Variants in RYR3 observed in about 807,000 individuals in gnomAD.
The protein encoded by RYR3 is brain ryanodine receptor-calcium release channel.
In RYR3, 207 loss-of-function variants were observed where a neutral mutation model predicts 584.3. The observed-to-expected ratio is 0.35, with a 90% CI of 0.32 to 0.40. The LOEUF (loss-of-function observed/expected upper bound fraction) is 0.40. Among genes scored for constraint, RYR3 ranks in the 10% least tolerant of loss-of-function variants. The pLI is 1.00. For missense variants in RYR3, 5,616 were observed against 6,089.2 expected (o/e 0.92, Z 2.59); for synonymous variants, 2,416 against 2,248.5 (o/e 1.07, Z -2.11).
intron 87 of RYR3, among the ~76,000 whole-genome samples, chr15:33,836,702 G>C (rs549343568): frequency 2.6e-5 from 4 of 152,320 alleles, no homozygotes; most frequent in African/African-American, 7.2e-5. Flanking sequence ...AAGGAGCTTT[G>C]TTGGATGAGT....
At chr15:33,543,824 A>G (rs1010861585) in intron 8 of RYR3, 109 bp downstream of exon 8, 5 of 784,080 alleles carry the variant, frequency 6.4e-6, no homozygotes, top group Admixed American at 6.0e-5. Context: ...ATGTCAGTCC[A>G]TTGACAAACC....
intron 19 of RYR3, among the ~76,000 whole-genome samples, chr15:33,614,851 G>A (rs2060371693): frequency 6.6e-6 from 1 of 151,704 alleles, no homozygotes; most frequent in Admixed American, 6.6e-5. Context: ...AAAGAAAATA[G>A]GAGGAACTCA....
chr15:33,559,575 T>A (rs1830292699), intron 10 of RYR3, among the ~76,000 whole-genome samples: 1 of 152,074 alleles, frequency 6.6e-6, no homozygotes, highest in African/African-American at 2.4e-5. Flanking sequence ...ATTTGCTAGT[T>A]TGAGTGATTT....
At chr15:33,438,268 A>G (rs1233243171) in intron 1 of RYR3, among the ~76,000 whole-genome samples, 1 of 152,038 alleles carries the variant, frequency 6.6e-6, no homozygotes, top group African/African-American at 2.4e-5. Flanking sequence ...CCCTTGCCTG[A>G]CACTGTGTAC....
In RYR3 at chr15:33,731,686, C is replaced by T. The variant is rs1018989624; in HGVS notation, c.7416C>T (p.Ala2472=). ...ACACTATAGAAGAATGTTTGCTTGC[C>T]ATTTGCAAGTAAGTACATATCCTAT... is the stretch of plus-strand genomic sequence containing the variant. The part of the protein sequence containing the change: ...QRDTIEECLL[A]ICNHLRPSML... The change falls in exon 48 of 104, where the codon GCC becomes GCT. Residue 2472 remains alanine (A), a synonymous_variant. Coordinates refer to ENST00000634891, the MANE Select transcript of RYR3 (RefSeq NM_001036.6). The T allele has an allele frequency of 3.1e-6, 5 of 1,603,502 alleles. No individual in the cohort carries two copies. In the African/African-American group the frequency reaches 6.7e-5, roughly 21 times the overall value.
At chr15:33,405,270 A>G (rs1303164799) in intron 1 of RYR3, among the ~76,000 whole-genome samples, 1 of 152,214 alleles carries the variant, frequency 6.6e-6, no homozygotes, top group African/African-American at 2.4e-5. Flanking sequence ...TTGGAGACTG[A>G]GGTTATAAAC....
Position 33,784,744 on chromosome 15 carries a change from CT to C in RYR3, c.9269-916del, listed in dbSNP as rs535079461. On this transcript the variant is annotated intron_variant, in intron 65 of 103. Coordinates refer to ENST00000634891, the MANE Select transcript of RYR3 (RefSeq NM_001036.6). ...TGTCCACGTCCCTCCACTCAGAGCC[CT>C]TGTTATCCTCTAACATGTCAGGAAC... Among the ~76,000 whole-genome samples, 76 of 152,298 alleles carry C rather than the reference CT, an allele frequency of 5.0e-4. 1 individual carries two copies. The highest frequency in any genetic ancestry group is 1.8e-3 in the African/African-American group (75 of 41,566).
intron 68 of RYR3, 129 bp downstream of exon 68, chr15:33,800,986 C>T (rs1184689730): frequency 1.3e-5 from 9 of 682,424 alleles, no homozygotes; most frequent in Non-Finnish European, 2.3e-5. Flanking sequence ...GTGAGGACCA[C>T]GACCCATGAC....
intron 43 of RYR3, among the ~76,000 whole-genome samples, chr15:33,721,994 T>G (rs373751138): frequency 2.0e-5 from 3 of 152,280 alleles, no homozygotes; most frequent in East Asian, 1.9e-4. Flanking sequence ...GAATAACCAA[T>G]AAAACTTTAC....
intron 38 of RYR3, among the ~76,000 whole-genome samples, chr15:33,690,064 T>C (rs1220185055): frequency 1.3e-5 from 2 of 152,228 alleles, no homozygotes; most frequent in Admixed American, 6.5e-5. Flanking sequence ...CCTGGACACA[T>C]ATCAACTTCA....
chr15:33,791,803 T>G (rs1270914465), intron 67 of RYR3, among the ~76,000 whole-genome samples: 1 of 152,036 alleles, frequency 6.6e-6, no homozygotes, highest in Non-Finnish European at 1.5e-5. Flanking sequence ...TTATAAAGAT[T>G]TACCATGGAA....
chr15:33,673,468 G>T (rs575476001), intron 38 of RYR3, among the ~76,000 whole-genome samples: 154 of 152,274 alleles, frequency 1.0e-3, no homozygotes, highest in African/African-American at 3.6e-3. Flanking sequence ...ATTATCAAAG[G>T]ATCAAATGAT....
At chr15:33,471,688 G>T (rs1343175957) in intron 1 of RYR3, among the ~76,000 whole-genome samples, 1 of 151,422 alleles carries the variant, frequency 6.6e-6, no homozygotes, top group Non-Finnish European at 1.5e-5. Context: ...GGGGTTTTAA[G>T]TTTTGTTTCT....
At chr15:33,746,243 AC>A (rs2070702122) in intron 53 of RYR3, 86 bp downstream of exon 53, 1 of 903,440 alleles carries the variant, frequency 1.1e-6, no homozygotes, top group South Asian at 1.4e-5. Context: ...GAGCACATTC[AC>A]TCTCACGTCC....
At chr15:33,644,750 T>C (rs1402210140) in intron 28 of RYR3, among the ~76,000 whole-genome samples, 1 of 152,220 alleles carries the variant, frequency 6.6e-6, no homozygotes, top group Non-Finnish European at 1.5e-5. Flanking sequence ...ACAGATCAAC[T>C]CTCAACATTT....
chr15:33,682,436 T>A (rs2064694319), intron 38 of RYR3, among the ~76,000 whole-genome samples: 1 of 152,182 alleles, frequency 6.6e-6, no homozygotes, highest in South Asian at 2.1e-4. Flanking sequence ...ATTTCCATTC[T>A]GAGTTAGCCT....
Position 33,634,621 on chromosome 15 carries a change from A to G in RYR3, c.3063A>G (p.Pro1021=). Reference sequence around the variant, plus strand: ...ACAAAAGAAATCCCCGTCTGGTGCCATATGCATTACTGGATGAGCGTACCA... The same window carrying G: ...ACAAAAGAAATCCCCGTCTGGTGCCGTATGCATTACTGGATGAGCGTACCA... ...LKNKRNPRLV[P]YALLDERTKK... is the part of the protein sequence containing the mutation. The change falls in exon 25 of 104, where the codon CCA becomes CCG. Residue 1021 remains proline, a synonymous_variant. Transcript: ENST00000634891. 2 of 1,613,970 alleles carry G rather than the reference A, an allele frequency of 1.2e-6. No individual in the cohort carries two copies. The highest frequency in any genetic ancestry group is 1.7e-6 in the Non-Finnish European group (2 of 1,179,860).
At chr15:33,839,089 T>G in intron 89 of RYR3, 131 bp downstream of exon 89, 1 of 1,124,334 alleles carries the variant, frequency 8.9e-7, no homozygotes, top group Non-Finnish European at 1.2e-6. Flanking sequence ...GTGGTGTGAT[T>G]ACGCTGATCT....
intron 19 of RYR3, among the ~76,000 whole-genome samples, chr15:33,621,267 T>C (rs1048689518): frequency 1.3e-5 from 2 of 152,210 alleles, no homozygotes; most frequent in Non-Finnish European, 2.9e-5. Flanking sequence ...TAGTGAGTAA[T>C]GGAATACACT....
Sources: gnomAD v4.1 joint callset for allele counts (sites outside exome capture counted in the v4.1 genomes callset) on GRCh38, gnomAD v4.1.1 for gene constraint, MANE v1.5 for transcripts, NCBI Gene and HGNC (gene_info 2026-07-23, HGNC 2026-07-21) for gene names.